Variants in SHISA6 observed in about 807,000 individuals in gnomAD.
The protein encoded by SHISA6 is shisa family member 6, also known as protein shisa-6.
In SHISA6, 22 loss-of-function variants were observed where a neutral mutation model predicts 47.9. That is an observed-to-expected ratio of 0.46 (90% CI 0.33 to 0.66). SHISA6 has a LOEUF of 0.66. Among genes scored for constraint, SHISA6 ranks in the 30% least tolerant of loss-of-function variants. The pLI is 0.02. For synonymous variants in SHISA6, 388 were observed against 337.8 expected, an observed-to-expected ratio of 1.15 and a Z score of -1.63; for missense variants, 680 against 764.6, an observed-to-expected ratio of 0.89 and a Z score of 1.30.
At chr17:11,539,545 C>A (rs1003475721) in intron 3 of SHISA6, among the ~76,000 whole-genome samples, 1 of 152,214 alleles carries the variant, frequency 6.6e-6, no homozygotes, top group African/African-American at 2.4e-5. Flanking sequence ...AGCAGATAAA[C>A]CTGCTACCAA....
At chr17:11,323,702 A>G (rs969579758) in intron 2 of SHISA6, among the ~76,000 whole-genome samples, 1 of 148,990 alleles carries the variant, frequency 6.7e-6, no homozygotes, top group African/African-American at 2.6e-5. Context: ...ATAATAATAC[A>G]TGATACTTTG....
At position 11,458,396 on chromosome 17, in the gene SHISA6, G is replaced by A. The variant is rs149665148; in HGVS notation, c.895+78887G>A. On this transcript the variant is annotated intron_variant, in intron 3 of 5. Coordinates refer to ENST00000441885, the MANE Select transcript of SHISA6 (RefSeq NM_207386.4). The stretch of plus-strand genomic sequence containing the variant: ...TCCCCTCCCCTGGGTGTGTTGTCAG[G>A]GAATAAAGAAAGCTCAATATCCCAA... 5.9e-3 allele frequency among the ~76,000 whole-genome samples: 895 copies of A among 152,234 alleles called. 9 individuals are homozygous for A. The highest frequency in any genetic ancestry group is 0.02 in the African/African-American group (843 of 41,536).
intron 3 of SHISA6, among the ~76,000 whole-genome samples, chr17:11,402,655 T>C (rs1156649877): frequency 2.6e-5 from 4 of 152,210 alleles, no homozygotes; most frequent in Non-Finnish European, 4.4e-5. Context: ...GTGACATCCA[T>C]GTGTATGTCA....
chr17:11,400,577 C>T (rs915660705), intron 3 of SHISA6, among the ~76,000 whole-genome samples: 2 of 152,138 alleles, frequency 1.3e-5, no homozygotes, highest in African/African-American at 4.8e-5. Context: ...TGCCTCCACC[C>T]TCTCTGCTCT....
chr17:11,356,527 C>G (rs905074696), intron 2 of SHISA6, among the ~76,000 whole-genome samples: 43 of 152,188 alleles, frequency 2.8e-4, no homozygotes, highest in Non-Finnish European at 6.2e-4. Context: ...CTAATTTCCT[C>G]TAAATGAGCC....
chr17:11,487,040 A>G (rs965231466), intron 3 of SHISA6, among the ~76,000 whole-genome samples: 2 of 152,198 alleles, frequency 1.3e-5, no homozygotes, highest in African/African-American at 4.8e-5. Context: ...TATCATGGCA[A>G]AGTTGAATCG....
rs549985539 is a variant in SHISA6, at chr17:11,303,257, T to C, written c.799+39731T>C. On this transcript the variant is annotated intron_variant, in intron 2 of 5. Coordinates refer to ENST00000441885, the MANE Select transcript of SHISA6 (RefSeq NM_207386.4). ...TGTGATTGTGAGTGTGGTTGTGTGATTGTGGTTGTGAGTATGTGTGTGGTT... is the reference window on the plus strand; with the variant it reads ...TGTGATTGTGAGTGTGGTTGTGTGACTGTGGTTGTGAGTATGTGTGTGGTT... Among the ~76,000 whole-genome samples the C allele has an allele frequency of 1.8e-4, 28 of 151,374 alleles. 1 individual carries two copies. The East Asian group carries it at 5.4e-3, about 29-fold the overall frequency.
intron 2 of SHISA6, among the ~76,000 whole-genome samples, chr17:11,327,102 T>C (rs935097472): frequency 6.6e-6 from 1 of 152,152 alleles, no homozygotes; most frequent in African/African-American, 2.4e-5. Context: ...GATGTCCAAA[T>C]AAATGCTGTT....
intron 2 of SHISA6, among the ~76,000 whole-genome samples, chr17:11,366,954 T>C (rs761976950): frequency 2.1e-4 from 32 of 152,182 alleles, no homozygotes; most frequent in Non-Finnish European, 4.0e-4. Context: ...GATGAGGTCA[T>C]ACTGAATTAG....
intron 3 of SHISA6, among the ~76,000 whole-genome samples, chr17:11,483,121 G>C (rs777655474): frequency 3.3e-5 from 5 of 152,076 alleles, no homozygotes; most frequent in Admixed American, 2.0e-4. Flanking sequence ...GAACAACATG[G>C]AGAAACCCCG....
intron 2 of SHISA6, among the ~76,000 whole-genome samples, chr17:11,348,664 C>A (rs1911775694): frequency 6.6e-6 from 1 of 151,894 alleles, no homozygotes; most frequent in African/African-American, 2.4e-5. Flanking sequence ...TTTTTTCTTT[C>A]TTTCTTCTTC....
intron 3 of SHISA6, among the ~76,000 whole-genome samples, chr17:11,390,053 C>T (rs78769939): frequency 2.4e-3 from 372 of 152,320 alleles, no homozygotes; most frequent in Middle Eastern, 0.014. Context: ...CTGTTTGAAA[C>T]ATAACTATAT....
At chr17:11,556,034 A>G in intron 5 of SHISA6, 142 bp downstream of exon 5, 1 of 1,115,724 alleles carries the variant, frequency 9.0e-7, no homozygotes, top group Non-Finnish European at 1.2e-6. Context: ...AGAGAAGAGA[A>G]TAGACAAGCT....
At chr17:11,492,083 T>C (rs2071366793) in intron 3 of SHISA6, among the ~76,000 whole-genome samples, 1 of 152,124 alleles carries the variant, frequency 6.6e-6, no homozygotes. Flanking sequence ...GTGAAGGTTT[T>C]TGAAAAGTGA....
chr17:11,454,530 T>C (rs1915484390), intron 3 of SHISA6, among the ~76,000 whole-genome samples: 1 of 152,158 alleles, frequency 6.6e-6, no homozygotes, highest in South Asian at 2.1e-4. Flanking sequence ...TTTTCCACTT[T>C]CCTCTTCATT....
chr17:11,488,433 C>T (rs1397839545), intron 3 of SHISA6, among the ~76,000 whole-genome samples: 1 of 152,146 alleles, frequency 6.6e-6, no homozygotes, highest in Non-Finnish European at 1.5e-5. Context: ...TTTCACTATT[C>T]TGCCTACTTA....
At chr17:11,384,749 CCCT>C (rs1288954496) in intron 3 of SHISA6, among the ~76,000 whole-genome samples, 2 of 152,146 alleles carry the variant, frequency 1.3e-5, no homozygotes, top group Non-Finnish European at 2.9e-5. Context: ...TTACTGCCTG[CCCT>C]CCTCTGATAT....
At chr17:11,431,976 T>C (rs529028205) in intron 3 of SHISA6, among the ~76,000 whole-genome samples, 2 of 152,208 alleles carry the variant, frequency 1.3e-5, no homozygotes, top group African/African-American at 4.8e-5. Flanking sequence ...TGAGGCCAAA[T>C]GCCTTGCCAT....
At chr17:11,246,672 C>G (rs536107974) in intron 1 of SHISA6, among the ~76,000 whole-genome samples, 1 of 152,138 alleles carries the variant, frequency 6.6e-6, no homozygotes, top group Non-Finnish European at 1.5e-5. Flanking sequence ...GACAAAGTGA[C>G]GTTGCCCTGC....
Sources: allele counts gnomAD v4.1 joint callset (sites outside exome capture counted in the v4.1 genomes callset), GRCh38; gene constraint gnomAD v4.1.1; transcripts MANE v1.5; gene names NCBI Gene and HGNC (gene_info 2026-07-23, HGNC 2026-07-21).